SNAPC3: variants seen among roughly 807,000 people sequenced by gnomAD.
SNAPC3 encodes the protein small nuclear RNA activating complex polypeptide 3, also known as snRNA-activating protein complex subunit 3.
In SNAPC3, 56 loss-of-function variants were observed where a neutral mutation model predicts 47.7. The ratio of observed to expected loss-of-function variants is 1.18; its 90% CI spans 0.95 to 1.47. The LOEUF is 1.47. Among genes scored for constraint, SNAPC3 ranks in the 40% most tolerant of loss-of-function variants. SNAPC3 has a pLI of 0.00. For synonymous variants in SNAPC3, 235 were observed against 189.9 expected (o/e 1.24, Z -1.95); for missense variants, 665 against 511.3 (o/e 1.30, Z -2.90).
At chr9:15,445,154 C>T (rs188324528) in intron 4 of SNAPC3, among the ~76,000 whole-genome samples, 439 of 152,272 alleles carry the variant, frequency 2.9e-3, no homozygotes, top group Non-Finnish European at 5.0e-3. Flanking sequence ...AATCTATAAT[C>T]TTGTGCCATC....
rs536735973 is a variant in SNAPC3, at chr9:15,424,221, C to A, written c.392+235C>A. The stretch of plus-strand genomic sequence containing the variant: ...AGACATGATAATTTACCCGTAAATA[C>A]ATAAGCATATAGCTTCTAAAAGTAT... On this transcript the variant is annotated intron_variant, in intron 2 of 8. Coordinates refer to ENST00000380821, the MANE Select transcript of SNAPC3 (RefSeq NM_001039697.2). 5.3e-5 allele frequency among the ~76,000 whole-genome samples: 8 copies of A among 152,278 alleles called. No homozygotes were observed. The East Asian group carries it at 9.6e-4, about 18-fold the overall frequency.
At chr9:15,437,146 T>A (rs1587244879) in intron 3 of SNAPC3, among the ~76,000 whole-genome samples, 1 of 152,068 alleles carries the variant, frequency 6.6e-6, no homozygotes, top group African/African-American at 2.4e-5. Context: ...TTTTATACTC[T>A]TTATGTATAC....
intron 3 of SNAPC3, among the ~76,000 whole-genome samples, chr9:15,435,844 C>CTT (rs57744583): frequency 0.11 from 13,607 of 123,744 alleles, 1,771 homozygotes; most frequent in African/African-American, 0.28. Flanking sequence ...ACTTTTCTTT[C>CTT]TTTTTTTTTT....
At chr9:15,465,395 C>G (rs979840257), downstream of SNAPC3, 1 of 793,420 alleles carries the variant, frequency 1.3e-6, no homozygotes, top group Non-Finnish European at 2.0e-6. Flanking sequence ...AAGGGATTTT[C>G]TCCCTCAAAA....
At chr9:15,433,837 G>A in intron 3 of SNAPC3, 2 of 399,860 alleles carry the variant, frequency 5.0e-6, no homozygotes, top group Non-Finnish European at 8.8e-6. Context: ...GACTTTTTCA[G>A]ATCTCTGCCT....
chr9:15,449,661 C>T (rs1419099777), intron 5 of SNAPC3, among the ~76,000 whole-genome samples: 1 of 145,850 alleles, frequency 6.9e-6, no homozygotes, highest in African/African-American at 2.5e-5. Context: ...ACCTCTGCCT[C>T]TCGGGTTCAC....
At chr9:15,440,365 T>G (rs373484121) in intron 3 of SNAPC3, among the ~76,000 whole-genome samples, 1 of 152,258 alleles carries the variant, frequency 6.6e-6, no homozygotes, top group Non-Finnish European at 1.5e-5. Flanking sequence ...AGGTCAGGTC[T>G]GCTGGTAGTA....
chr9:15,422,905 C>T lies in SNAPC3; in HGVS notation c.26C>T (p.Pro9Leu), dbSNP rs376165641. 36 of 1,535,190 alleles carry T rather than the reference C, an allele frequency of 2.3e-5. No homozygotes were observed. In the Admixed American group the frequency reaches 5.0e-4, roughly 21 times the overall value. Residue 9 changes from proline to leucine, a missense_variant, in exon 1 of 9, where the codon CCT (proline) becomes CTT (leucine). Physicochemically the swap from Pro to Leu is moderately conservative, Grantham distance 98. Transcript: ENST00000380821. ...ATGGCTGAAGGAAGCCGAGGTGGCC[C>T]TACGTGTAGCGGGGTGGGTGGCAGG... Reference protein sequence around the residue: MAEGSRGGPTCSGVGGRQD... With the variant: MAEGSRGGLTCSGVGGRQD...
At chr9:15,447,300 A>T (rs1381851568) in intron 5 of SNAPC3, 56 bp downstream of exon 5, 4 of 1,501,560 alleles carry the variant, frequency 2.7e-6, no homozygotes, top group Non-Finnish European at 3.7e-6. Context: ...GAAAATAGCG[A>T]TTACTCTAGC....
At chr9:15,462,111 A>G (rs769141073), downstream of SNAPC3, 21 of 152,202 alleles carry the variant, frequency 1.4e-4, no homozygotes, top group Non-Finnish European at 3.1e-4. Context: ...TCAAAACACC[A>G]AACTTCAAAA....
chr9:15,466,679 GGAACA>G, downstream of SNAPC3: 2 of 1,224,918 alleles, frequency 1.6e-6, no homozygotes, highest in African/African-American at 1.6e-5. Context: ...AGATAACCTT[GGAACA>G]GAACTGTGAT....
intron 1 of SNAPC3, 29 bp downstream of exon 1, chr9:15,423,222 G>A: frequency 1.9e-6 from 3 of 1,547,660 alleles, no homozygotes; most frequent in Non-Finnish European, 2.6e-6. Flanking sequence ...GGCTCTTGCA[G>A]CTTGGGGTCA....
downstream of SNAPC3, chr9:15,465,885 A>AT (rs1421845671): frequency 5.8e-5 from 16 of 275,282 alleles, no homozygotes; most frequent in Non-Finnish European, 6.7e-6. Flanking sequence ...TTTAAAGAAC[A>AT]TGAGAATGTT....
At chr9:15,430,021 T>C (rs2031931981) in intron 2 of SNAPC3, among the ~76,000 whole-genome samples, 1 of 152,350 alleles carries the variant, frequency 6.6e-6, no homozygotes, top group East Asian at 1.9e-4. Flanking sequence ...TTATATCTTA[T>C]GGAGGTACGT....
downstream of SNAPC3, chr9:15,462,851 G>C (rs1009138644): frequency 6.6e-6 from 1 of 152,116 alleles, no homozygotes; most frequent in African/African-American, 2.4e-5. Context: ...ATACAGGTTT[G>C]CTATTTCCAT....
At position 15,444,615 on chromosome 9, in the gene SNAPC3, T is replaced by C. The variant is rs200537467; in HGVS notation, c.491T>C (p.Ile164Thr). The change falls in exon 4 of 9, where the codon ATA (isoleucine) becomes ACA (threonine). Residue 164 changes from isoleucine (I) to threonine (T), a missense_variant. Transcript: ENST00000380821. ...TFVYEMESHA[I>T]GKKPENSADM... is the part of the protein sequence containing the mutation. Reference sequence around the variant, plus strand: ...TTCTTTCTTCAGGAGTCACATGCCATAGGAAAAAAGCCTGAAAATTCAGCA... The same window carrying C: ...TTCTTTCTTCAGGAGTCACATGCCACAGGAAAAAAGCCTGAAAATTCAGCA... The C allele has an allele frequency of 6.2e-7, 1 of 1,609,166 alleles. No homozygotes were observed. The highest frequency in any genetic ancestry group is 8.5e-7 in the Non-Finnish European group (1 of 1,175,708).
chr9:15,459,338 T>G (rs150808748), intron 8 of SNAPC3, among the ~76,000 whole-genome samples: 1 of 152,346 alleles, frequency 6.6e-6, no homozygotes, highest in African/African-American at 2.4e-5. Flanking sequence ...GTCTATCAGA[T>G]TTGTAGCATC....
chr9:15,449,959 C>T (rs1234884005), intron 5 of SNAPC3, among the ~76,000 whole-genome samples: 7 of 152,050 alleles, frequency 4.6e-5, no homozygotes, highest in Admixed American at 1.3e-4. Flanking sequence ...TAGTAAGTTG[C>T]TTAAATCACC....
chr9:15,429,584 A>C (rs2031879254), intron 2 of SNAPC3, among the ~76,000 whole-genome samples: 2 of 152,202 alleles, frequency 1.3e-5, no homozygotes, highest in Non-Finnish European at 2.9e-5. Context: ...AAATAAGAAA[A>C]TGGGTAACTC....
Sources: allele counts gnomAD v4.1 joint callset (sites outside exome capture counted in the v4.1 genomes callset), GRCh38; gene constraint gnomAD v4.1.1; transcripts MANE v1.5; gene names NCBI Gene and HGNC (gene_info 2026-07-23, HGNC 2026-07-21).